GNA13: variants seen among roughly 807,000 people sequenced by gnomAD.
The protein encoded by GNA13 is guanine nucleotide-binding protein subunit alpha-13.
In GNA13, 4 loss-of-function variants were observed where a neutral mutation model predicts 33.5. That is an observed-to-expected ratio of 0.12 (90% CI 0.06 to 0.27). GNA13 has a LOEUF of 0.27. Among genes scored for constraint, GNA13 ranks in the 10% least tolerant of loss-of-function variants. The pLI, the probability that GNA13 is intolerant of heterozygous loss-of-function variation, is 1.00. For missense variants in GNA13, 319 were observed against 487.2 expected (o/e 0.65, Z 3.25); for synonymous variants, 176 against 183.8 (o/e 0.96, Z 0.34).
chr17:65,027,807 T>C (rs761276280), intron 2 of GNA13, among the ~76,000 whole-genome samples: 2 of 152,150 alleles, frequency 1.3e-5, no homozygotes, highest in Non-Finnish European at 2.9e-5. Context: ...AAAACTTCTA[T>C]CAGTTAAGAA....
In GNA13 at chr17:65,012,575, T is replaced by C. The variant is rs1209730772; in HGVS notation, c.*1682A>G. ...AATGCTAGAAGTTATATGGATACAA[T>C]GATAGTGGAAGTTCAAATGTGAGAA... is the stretch of plus-strand genomic sequence containing the variant. On this transcript the variant is annotated 3_prime_UTR_variant, in exon 4 of 4. Coordinates refer to ENST00000439174, the MANE Select transcript of GNA13 (RefSeq NM_006572.6). 1.3e-5 allele frequency: 3 copies of C among 223,720 alleles called. No individual in the cohort carries two copies. Among genetic ancestry groups the C allele is most frequent in the Non-Finnish European group, 8.9e-6 (1 of 112,158 alleles). 13.9% of individuals were successfully genotyped at this position (223,720 alleles called of 1,614,324 possible).
In GNA13 at chr17:65,031,656, G is replaced by A. The variant is rs183649490; in HGVS notation, c.511-13353C>T. Among the ~76,000 whole-genome samples, 413 of 152,156 alleles carry A rather than the reference G, an allele frequency of 2.7e-3. 4 individuals carry two copies. Among genetic ancestry groups the A allele is most frequent in the Non-Finnish European group, 1.8e-3 (125 of 68,010 alleles). On this transcript the variant is annotated intron_variant, in intron 2 of 3. Coordinates refer to ENST00000439174, the MANE Select transcript of GNA13 (RefSeq NM_006572.6). ...TGTTATAATCCCAAAACAAATCCAG[G>A]TCAAAATGTTTTCTAAATATTTATT...
intron 2 of GNA13, among the ~76,000 whole-genome samples, chr17:65,029,219 T>C (rs1906912777): frequency 6.6e-6 from 1 of 152,226 alleles, no homozygotes; most frequent in African/African-American, 2.4e-5. Flanking sequence ...TAGTCCCAAC[T>C]GACTATCTCC....
intron 2 of GNA13, among the ~76,000 whole-genome samples, chr17:65,030,881 G>A (rs1345353371): frequency 6.6e-6 from 1 of 152,066 alleles, no homozygotes; most frequent in Non-Finnish European, 1.5e-5. Flanking sequence ...TTTATGTGTT[G>A]AGATCTCTTT....
chr17:65,015,328 T>G (rs529389574), intron 3 of GNA13, among the ~76,000 whole-genome samples: 60 of 152,192 alleles, frequency 3.9e-4, no homozygotes, highest in African/African-American at 1.3e-3. Context: ...TCTTCCTGTC[T>G]GCGTATCTAC....
intron 2 of GNA13, among the ~76,000 whole-genome samples, chr17:65,051,171 A>G (rs1449761621): frequency 6.6e-6 from 1 of 152,202 alleles, no homozygotes; most frequent in Non-Finnish European, 1.5e-5. Flanking sequence ...TTATTTATTC[A>G]TTTAATCCAT....
chr17:65,042,519 T>C (rs926928239), intron 2 of GNA13, among the ~76,000 whole-genome samples: 2 of 151,990 alleles, frequency 1.3e-5, no homozygotes, highest in African/African-American at 2.4e-5. Context: ...GGCAGATCAA[T>C]TGAGGTCAGA....
intron 2 of GNA13, among the ~76,000 whole-genome samples, chr17:65,019,602 G>A (rs1291723728): frequency 6.6e-6 from 1 of 152,164 alleles, no homozygotes; most frequent in Non-Finnish European, 1.5e-5. Flanking sequence ...TCACTTATTG[G>A]TAGGAGCTAA....
At chr17:65,028,457 A>G (rs75975945) in intron 2 of GNA13, among the ~76,000 whole-genome samples, 4 of 145,432 alleles carry the variant, frequency 2.8e-5, no homozygotes, top group Admixed American at 6.8e-5. Flanking sequence ...AAGAAAGTGG[A>G]AAAAAAAAAC....
chr17:65,012,386 T>G lies in GNA13; in HGVS notation c.*1871A>C, dbSNP rs1451697649. On this transcript the variant is annotated 3_prime_UTR_variant, in exon 4 of 4. Coordinates refer to ENST00000439174, the MANE Select transcript of GNA13 (RefSeq NM_006572.6). Reference sequence around the variant, plus strand: ...CATTAGCACTGCAATTATGCTAATTTTGTGAATTTAAACAATGTATTCTTT... The same window carrying G: ...CATTAGCACTGCAATTATGCTAATTGTGTGAATTTAAACAATGTATTCTTT... 1 of 222,388 alleles carries G rather than the reference T, an allele frequency of 4.5e-6. No homozygotes were observed. Among genetic ancestry groups the G allele is most frequent in the Admixed American group, 5.7e-5 (1 of 17,422 alleles). The allele number at this position is 222,388 out of a possible 1,614,324, so 13.8% of individuals were successfully genotyped here.
Position 65,012,186 on chromosome 17 carries a change from T to C in GNA13, c.*2071A>G, listed in dbSNP as rs1221171454. On this transcript the variant is annotated 3_prime_UTR_variant, in exon 4 of 4. Coordinates refer to ENST00000439174, the MANE Select transcript of GNA13 (RefSeq NM_006572.6). ...TTTCTGCTTTGTCAGGCAATATCTATGGTTCGTATCACAGATCTTAACTAT... is the reference window on the plus strand; with the variant it reads ...TTTCTGCTTTGTCAGGCAATATCTACGGTTCGTATCACAGATCTTAACTAT... The C allele has an allele frequency of 3.6e-5, 8 of 221,034 alleles. 1 individual carries two copies. Among genetic ancestry groups the C allele is most frequent in the Admixed American group, 2.9e-4 (5 of 17,388 alleles). 13.7% of individuals were successfully genotyped at this position (221,034 alleles called of 1,614,324 possible). A position where few individuals can be genotyped will look rare whatever the true frequency, so the allele number is the denominator to read the frequency against.
At chr17:65,015,006 C>T (rs535033741) in intron 3 of GNA13, among the ~76,000 whole-genome samples, 177 bp from the exon 4 acceptor site, 1 of 152,268 alleles carries the variant, frequency 6.6e-6, no homozygotes, top group East Asian at 1.9e-4. Flanking sequence ...GTGGGTCATG[C>T]CTATAATCCC....
At position 65,012,333 on chromosome 17, in the gene GNA13, A is replaced by G. The variant is rs142033484; in HGVS notation, c.*1924T>C. The G allele has an allele frequency of 4.5e-6, 1 of 223,902 alleles. No homozygotes were observed. The highest frequency in any genetic ancestry group is 8.9e-6 in the Non-Finnish European group (1 of 112,272). 13.9% of individuals were successfully genotyped at this position (223,902 alleles called of 1,614,324 possible). ...GGTAAACTCTCCAATGAATAGTCCA[A>G]ATGTTACTGTGCACATATTCCGATA... On this transcript the variant is annotated 3_prime_UTR_variant, in exon 4 of 4. Coordinates refer to ENST00000439174, the MANE Select transcript of GNA13 (RefSeq NM_006572.6).
chr17:65,018,289 T>A lies in GNA13; in HGVS notation c.525A>T (p.Lys175Asn). ...GTTTATCCAAGTTATCCAGGAAATA[T>A]TTTACAGATTCACCCTAAAAACAAG... ...RREFQLGESV[K>N]YFLDNLDKLG... Residue 175 changes from lysine to asparagine, a missense_variant, in exon 3 of 4, where the codon AAA becomes AAT. Physicochemically the swap from Lys to Asn is moderately conservative, Grantham distance 94. Coordinates refer to ENST00000439174, the MANE Select transcript of GNA13 (RefSeq NM_006572.6). The A allele has an allele frequency of 6.6e-7, 1 of 1,503,904 alleles. No homozygotes were observed. The highest frequency in any genetic ancestry group is 9.3e-7 in the Non-Finnish European group (1 of 1,079,762). The allele number at this position is 1,503,904 out of a possible 1,614,324, so 93.2% of individuals were successfully genotyped here.
At chr17:65,030,624 A>C (rs1430636455) in intron 2 of GNA13, among the ~76,000 whole-genome samples, 1 of 152,246 alleles carries the variant, frequency 6.6e-6, no homozygotes, top group Non-Finnish European at 1.5e-5. Context: ...TCCAGAATTT[A>C]ATTGCAGGCC....
intron 2 of GNA13, among the ~76,000 whole-genome samples, chr17:65,039,092 A>C (rs543950031): frequency 6.6e-6 from 1 of 152,344 alleles, no homozygotes; most frequent in African/African-American, 2.4e-5. Context: ...TGATTTGAGT[A>C]AATAGCACCA....
intron 2 of GNA13, among the ~76,000 whole-genome samples, chr17:65,019,465 C>T (rs1172477529): frequency 6.6e-6 from 1 of 152,170 alleles, no homozygotes; most frequent in African/African-American, 2.4e-5. Context: ...GATACACATA[C>T]AGAATGGTGT....
At chr17:65,055,754 C>T in intron 1 of GNA13, 1 of 985,454 alleles carries the variant, frequency 1.0e-6, no homozygotes, top group African/African-American at 1.7e-5. Flanking sequence ...CAAGAAGTCT[C>T]GGGCAAAAAG....
rs1421154389 is a variant in GNA13 at position 65,056,545 on chromosome 17, C to G, written c.49G>C (p.Gly17Arg). 1 of 1,612,518 alleles carries G rather than the reference C, an allele frequency of 6.2e-7. No individual in the cohort carries two copies. Among genetic ancestry groups the G allele is most frequent in the Non-Finnish European group, 8.5e-7 (1 of 1,179,778 alleles). The change falls in exon 1 of 4, where the codon GGC becomes CGC. Residue 17 changes from glycine to arginine, a missense_variant. Physicochemically the swap from Gly to Arg is moderately radical, Grantham distance 125. Coordinates refer to ENST00000439174, the MANE Select transcript of GNA13 (RefSeq NM_006572.6). ...SRSVLSVCFP[G>R]CLLTSGEAEQ... ...GCCTCGCCACTCGTCAGCAGGCAGCCGGGGAAGCACACGGACAGCACGGAC... is the reference window on the plus strand; with the variant it reads ...GCCTCGCCACTCGTCAGCAGGCAGCGGGGGAAGCACACGGACAGCACGGAC...
Sources: gnomAD v4.1 joint callset for allele counts (sites outside exome capture counted in the v4.1 genomes callset) on GRCh38, gnomAD v4.1.1 for gene constraint, MANE v1.5 for transcripts, NCBI Gene and HGNC (gene_info 2026-07-23, HGNC 2026-07-21) for gene names.